LCMT1: variants seen among roughly 807,000 people sequenced by gnomAD.
LCMT1 encodes leucine carboxyl methyltransferase 1.
In LCMT1, 32 loss-of-function variants were observed where a neutral mutation model predicts 47.7. The observed-to-expected ratio is 0.67, with a 90% CI of 0.51 to 0.90. The LOEUF (loss-of-function observed/expected upper bound fraction) is 0.90. Ranked by LOEUF, LCMT1 falls within the 40% of genes least tolerant of loss-of-function variation. The probability of loss-of-function intolerance (pLI) is 0.00; values close to 1 mark genes in which losing one functional copy is unlikely to be tolerated. For missense variants in LCMT1, 375 were observed against 415.2 expected (o/e 0.90, Z 0.84); for synonymous variants, 152 against 149.7 (o/e 1.02, Z -0.11).
At chr16:25,169,879 A>G (rs1961700387) in intron 8 of LCMT1, among the ~76,000 whole-genome samples, 3 of 152,082 alleles carry the variant, frequency 2.0e-5, no homozygotes, top group South Asian at 4.1e-4. Context: ...TAAAAAAGTC[A>G]TCTATTTTTT....
intron 5 of LCMT1, among the ~76,000 whole-genome samples, chr16:25,152,945 G>A (rs1277905748): frequency 6.6e-6 from 1 of 152,138 alleles, no homozygotes; most frequent in Non-Finnish European, 1.5e-5. Flanking sequence ...TCTGAGAGAA[G>A]TTAAAGGGGT....
chr16:25,170,651 A>T, intron 8 of LCMT1, 63 bp from the exon 9 acceptor site: 8 of 1,269,398 alleles, frequency 6.3e-6, no homozygotes, highest in Non-Finnish European at 9.1e-6. Flanking sequence ...ACAGTGTCTT[A>T]GATTTGTAAG....
intron 2 of LCMT1, 73 bp downstream of exon 2, chr16:25,128,639 A>C (rs1960260053): frequency 8.7e-7 from 1 of 1,142,906 alleles, no homozygotes; most frequent in Non-Finnish European, 1.3e-6. Flanking sequence ...TCTTGAAGGA[A>C]GTCGTGGTGT....
In LCMT1 at chr16:25,170,772, T is replaced by A. The variant is rs767577228; in HGVS notation, c.851T>A (p.Leu284Ter). The change falls in exon 9 of 11, where the codon TTG (leucine) becomes TAG (stop). Residue 284 changes from leucine to a stop codon, truncating the protein, a stop_gained. Coordinates refer to ENST00000399069, the MANE Select transcript of LCMT1 (RefSeq NM_016309.3). LOFTEE classifies it high-confidence loss of function. ...GCATCGGCCGTCGACATGATGGAGT[T>A]GTACAACAGGTTACCTCGAGCTGAA... The part of the protein sequence containing the change: ...ETASAVDMME[L>*]YNRLPRAEVS... 6.2e-7 allele frequency: 1 copy of A among 1,613,302 alleles called. No individual in the cohort carries two copies. Among genetic ancestry groups the A allele is most frequent in the South Asian group, 1.1e-5 (1 of 90,986 alleles).
At chr16:25,117,667 A>T (rs1471124334) in intron 1 of LCMT1, among the ~76,000 whole-genome samples, 1 of 152,160 alleles carries the variant, frequency 6.6e-6, no homozygotes, top group East Asian at 1.9e-4. Context: ...AACCTGGCCA[A>T]CATGGTGAAA....
At chr16:25,164,533 G>A (rs1324917606) in intron 6 of LCMT1, 65 bp from the exon 7 acceptor site, 1 of 1,606,314 alleles carries the variant, frequency 6.2e-7, no homozygotes, top group Non-Finnish European at 8.5e-7. Flanking sequence ...TGCAACATGT[G>A]TACAATTAGA....
chr16:25,142,291 A>G (rs553814900), intron 4 of LCMT1: 2 of 152,356 alleles, frequency 1.3e-5, no homozygotes, highest in African/African-American at 4.8e-5. Context: ...CTTTACTGCT[A>G]AGAGAAAACC....
chr16:25,153,873 A>G (rs1027273850), intron 5 of LCMT1, among the ~76,000 whole-genome samples: 3 of 152,004 alleles, frequency 2.0e-5, no homozygotes, highest in African/African-American at 7.2e-5. Context: ...GACTCTCTTG[A>G]ACCTGGGAGG....
intron 7 of LCMT1, among the ~76,000 whole-genome samples, chr16:25,168,826 A>T (rs1383950472): frequency 2.0e-5 from 3 of 152,192 alleles, no homozygotes; most frequent in African/African-American, 7.2e-5. Context: ...GCATCTTAGC[A>T]TACATGTGGG....
chr16:25,144,630 C>G (rs1312200678), intron 4 of LCMT1: 1 of 152,242 alleles, frequency 6.6e-6, no homozygotes, highest in Non-Finnish European at 1.5e-5. Flanking sequence ...GTCAGCCTCC[C>G]TGCAGTGAGC....
At chr16:25,139,332 TTAATC>T (rs1960604510) in intron 3 of LCMT1, among the ~76,000 whole-genome samples, 1 of 152,088 alleles carries the variant, frequency 6.6e-6, no homozygotes, top group East Asian at 1.9e-4. Context: ...TGCCTGTTCT[TTAATC>T]TATCATACTT....
intron 8 of LCMT1, among the ~76,000 whole-genome samples, chr16:25,170,139 G>A (rs1961712637): frequency 6.6e-6 from 1 of 152,132 alleles, no homozygotes; most frequent in African/African-American, 2.4e-5. Context: ...AGATTTGCTT[G>A]AACCTGGGAG....
chr16:25,147,018 T>C (rs1960879358), intron 4 of LCMT1: 1 of 152,218 alleles, frequency 6.6e-6, no homozygotes, highest in African/African-American at 2.4e-5. Flanking sequence ...TATTGGTCTT[T>C]AGTGACCACC....
At chr16:25,157,066 G>A (rs1208169209) in intron 5 of LCMT1, among the ~76,000 whole-genome samples, 5 of 151,844 alleles carry the variant, frequency 3.3e-5, no homozygotes, top group African/African-American at 1.2e-4. Flanking sequence ...TGGGATTGAT[G>A]GGGTTCACTA....
rs539528890 is a variant in LCMT1, at chr16:25,158,456, C to A, written c.467-2646C>A. 1.4e-3 allele frequency among the ~76,000 whole-genome samples: 210 copies of A among 152,320 alleles called. 3 individuals carry two copies. Among genetic ancestry groups the A allele is most frequent in the Non-Finnish European group, 4.1e-4 (28 of 68,032 alleles). Reference sequence around the variant, plus strand: ...GGCCGGTCTGTTTCTTTAGAAAGTTCTGTAAGTATCACACAAAATGATTTC... The same window carrying A: ...GGCCGGTCTGTTTCTTTAGAAAGTTATGTAAGTATCACACAAAATGATTTC... On this transcript the variant is annotated intron_variant, in intron 5 of 10. Coordinates refer to ENST00000399069, the MANE Select transcript of LCMT1 (RefSeq NM_016309.3).
In LCMT1 at chr16:25,111,764, GC is replaced by G. The variant is rs1281103491; in HGVS notation, c.-118del. 1 of 668,568 alleles carries G rather than the reference GC, an allele frequency of 1.5e-6. No individual in the cohort carries two copies. The highest frequency in any genetic ancestry group is 1.8e-5 in the African/African-American group (1 of 55,556). The allele number at this position is 668,568 out of a possible 1,614,324, so 41.4% of individuals were successfully genotyped here. The stretch of plus-strand genomic sequence containing the variant: ...GGCGTCACTGAGCCGCGCCAGCTGA[GC>G]CAGGTAGGGCCCTACCCTCTTCTGT... On this transcript the variant is annotated 5_prime_UTR_variant, in exon 1 of 11. Coordinates refer to ENST00000399069, the MANE Select transcript of LCMT1 (RefSeq NM_016309.3).
At chr16:25,136,704 C>T (rs567629947) in intron 3 of LCMT1, among the ~76,000 whole-genome samples, 3 of 152,044 alleles carry the variant, frequency 2.0e-5, no homozygotes, top group East Asian at 1.9e-4. Context: ...TGCGCACCAC[C>T]GTGCCTGGCT....
intron 1 of LCMT1, among the ~76,000 whole-genome samples, chr16:25,126,364 A>G (rs553739927): frequency 2.7e-4 from 41 of 152,378 alleles, no homozygotes; most frequent in African/African-American, 9.9e-4. Flanking sequence ...TCCTCTCTGT[A>G]CTGGAGGCTC....
intron 1 of LCMT1, among the ~76,000 whole-genome samples, chr16:25,117,832 A>G (rs1959845983): frequency 6.6e-6 from 1 of 151,538 alleles, no homozygotes; most frequent in African/African-American, 2.4e-5. Flanking sequence ...GGCCTGGGCG[A>G]CAGAGAGAGA....
Sources: gnomAD v4.1 joint callset for allele counts (sites outside exome capture counted in the v4.1 genomes callset) on GRCh38, gnomAD v4.1.1 for gene constraint, MANE v1.5 for transcripts, NCBI Gene and HGNC (gene_info 2026-07-23, HGNC 2026-07-21) for gene names.